The following KIF26B variants were observed in gnomAD, a reference collection of about 807,000 sequenced individuals.
KIF26B encodes the protein kinesin family member 26B.
Under a neutral mutation model 151.2 loss-of-function variants are expected in KIF26B, and 63 were observed. That is an observed-to-expected ratio of 0.42 (90% CI 0.34 to 0.51). The LOEUF (loss-of-function observed/expected upper bound fraction) is 0.51. KIF26B is among the 20% of genes least tolerant of loss of function. The pLI, the probability that KIF26B is intolerant of heterozygous loss-of-function variation, is 0.07. For synonymous variants in KIF26B, 1,357 were observed against 1,262.1 expected (o/e 1.08, Z -1.59); for missense variants, 2,813 against 2,913.6 (o/e 0.97, Z 0.79).
At chr1:245,477,960 A>G (rs1330548756) in intron 4 of KIF26B, among the ~76,000 whole-genome samples, 1 of 151,778 alleles carries the variant, frequency 6.6e-6, no homozygotes, top group African/African-American at 2.4e-5. Context: ...CACCCCAAAA[A>G]TAAACTTTAT....
chr1:245,523,383 C>G (rs1018601676), intron 4 of KIF26B, among the ~76,000 whole-genome samples: 1 of 152,202 alleles, frequency 6.6e-6, no homozygotes, highest in Non-Finnish European at 1.5e-5. Flanking sequence ...GAGCAATTCT[C>G]TACTCTAGAT....
At chr1:245,394,837 C>A (rs1464537000) in intron 3 of KIF26B, among the ~76,000 whole-genome samples, 1 of 151,810 alleles carries the variant, frequency 6.6e-6, no homozygotes, top group African/African-American at 2.4e-5. Context: ...ATTACAGGTG[C>A]TCGCCACCAC....
chr1:245,591,174 A>T (rs2043285643), intron 5 of KIF26B, among the ~76,000 whole-genome samples: 1 of 152,166 alleles, frequency 6.6e-6, no homozygotes, highest in African/African-American at 2.4e-5. Flanking sequence ...CTTAATAGTC[A>T]CGTAAGTCCT....
chr1:245,579,681 A>G (rs1360146456), intron 5 of KIF26B, among the ~76,000 whole-genome samples: 1 of 151,668 alleles, frequency 6.6e-6, no homozygotes, highest in African/African-American at 2.4e-5. Flanking sequence ...AAACAAACAA[A>G]CAAACAAACA....
At position 245,685,033 on chromosome 1, in the gene KIF26B, TC is replaced by T. The variant is rs139816291; in HGVS notation, c.2422-367del. Among the ~76,000 whole-genome samples the T allele has an allele frequency of 2.4e-3, 371 of 152,328 alleles. 2 individuals carry two copies. The highest frequency in any genetic ancestry group is 8.5e-3 in the African/African-American group (355 of 41,586). On this transcript the variant is annotated intron_variant, in intron 11 of 14. Transcript: ENST00000407071. Reference sequence around the variant, plus strand: ...GCAGCTGCTGAGGTGGGGGCCTTTTTCCCCCTTCTCTGTTTTGTACCTTTTT... The same window carrying T: ...GCAGCTGCTGAGGTGGGGGCCTTTTTCCCCTTCTCTGTTTTGTACCTTTTT...
intron 2 of KIF26B, among the ~76,000 whole-genome samples, chr1:245,174,235 T>C (rs897441660): frequency 2.0e-5 from 3 of 152,214 alleles, no homozygotes; most frequent in African/African-American, 7.2e-5. Flanking sequence ...CTTTTAAAGA[T>C]CTGCTGAGTT....
At chr1:245,193,719 G>C (rs1669147681) in intron 2 of KIF26B, among the ~76,000 whole-genome samples, 1 of 152,212 alleles carries the variant, frequency 6.6e-6, no homozygotes, top group Admixed American at 6.5e-5. Context: ...GAGAAGTCAA[G>C]TAAGTGGAGA....
At chr1:245,448,163 C>T (rs1181552993) in intron 4 of KIF26B, among the ~76,000 whole-genome samples, 1 of 152,236 alleles carries the variant, frequency 6.6e-6, no homozygotes, top group Admixed American at 6.5e-5. Context: ...GACTTCCCAG[C>T]CTCCAGCTGT....
chr1:245,442,212 A>G (rs1659121371), intron 4 of KIF26B, among the ~76,000 whole-genome samples: 1 of 152,170 alleles, frequency 6.6e-6, no homozygotes, highest in Non-Finnish European at 1.5e-5. Context: ...TGAAGTCCCC[A>G]CGCCTGGTAG....
rs756730116 is a variant in KIF26B, at chr1:245,688,584, C to T, written c.5601C>T (p.His1867=). 6.4e-6 allele frequency: 10 copies of T among 1,571,572 alleles called. No individual in the cohort carries two copies. The highest frequency in any genetic ancestry group is 1.8e-5 in the Admixed American group (1 of 54,074). The change falls in exon 12 of 15, where the codon CAC becomes CAT. Residue 1867 remains histidine, a synonymous_variant. Coordinates refer to ENST00000407071, the MANE Select transcript of KIF26B (RefSeq NM_018012.4). The stretch of plus-strand genomic sequence containing the variant: ...GGCCCCACCGCTGCAGCAGCGGCCA[C>T]GGCAGCGACAACAGCAGCGTGCTGA... The part of the protein sequence containing the change: ...PRRPHRCSSG[H]GSDNSSVLSG...
intron 4 of KIF26B, among the ~76,000 whole-genome samples, chr1:245,536,711 G>A (rs1276276088): frequency 6.6e-6 from 1 of 152,170 alleles, no homozygotes; most frequent in Non-Finnish European, 1.5e-5. Context: ...GGGACCTCAG[G>A]CAGAAGACTT....
chr1:245,224,299 A>T (rs1669833624), intron 2 of KIF26B, among the ~76,000 whole-genome samples: 1 of 152,118 alleles, frequency 6.6e-6, no homozygotes, highest in Admixed American at 6.5e-5. Flanking sequence ...GAAAAAAAAA[A>T]AAAATTCTGT....
chr1:245,370,106 C>T (rs947371212), intron 3 of KIF26B, among the ~76,000 whole-genome samples: 7 of 152,058 alleles, frequency 4.6e-5, no homozygotes, highest in Non-Finnish European at 8.8e-5. Context: ...CTTTAAAAGT[C>T]GATGTCACCC....
Position 245,705,265 on chromosome 1 carries a change from CTCTCTTCTCTT to C in KIF26B, c.*2661_*2671del, listed in dbSNP as rs1330729583. The C allele has an allele frequency of 6.6e-6, 1 of 152,198 alleles. No individual in the cohort carries two copies. Among genetic ancestry groups the C allele is most frequent in the African/African-American group, 2.4e-5 (1 of 41,436 alleles). 9.4% of individuals were successfully genotyped at this position (152,198 alleles called of 1,614,324 possible). Reference sequence around the variant, plus strand: ...TTTATGTTGATGTTGTCCATTCTCTCTCTCTTCTCTTTGCTTTTTTTTGACCTAAATAAGCT... The same window carrying C: ...TTTATGTTGATGTTGTCCATTCTCTCTGCTTTTTTTTGACCTAAATAAGCT... On this transcript the variant is annotated 3_prime_UTR_variant, in exon 15 of 15. Transcript: ENST00000407071.
At chr1:245,277,209 T>G (rs1411118587) in intron 2 of KIF26B, among the ~76,000 whole-genome samples, 1 of 152,150 alleles carries the variant, frequency 6.6e-6, no homozygotes, top group East Asian at 1.9e-4. Context: ...TGAATTTCTG[T>G]TACTCTAAGC....
intron 9 of KIF26B, among the ~76,000 whole-genome samples, chr1:245,627,476 C>T (rs558219735): frequency 8.6e-5 from 13 of 152,038 alleles, no homozygotes; most frequent in Admixed American, 1.3e-4. Flanking sequence ...TCTGGGACAC[C>T]GCTAAAGCAG....
chr1:245,605,836 A>G (rs1328862892), intron 6 of KIF26B, among the ~76,000 whole-genome samples: 1 of 152,162 alleles, frequency 6.6e-6, no homozygotes, highest in African/African-American at 2.4e-5. Context: ...CCAACTCTGC[A>G]CAGCAGGTCT....
At chr1:245,364,036 C>T (rs1672882223) in intron 2 of KIF26B, among the ~76,000 whole-genome samples, 1 of 152,144 alleles carries the variant, frequency 6.6e-6, no homozygotes, top group Non-Finnish European at 1.5e-5. Context: ...CTAGAGGTGG[C>T]AGCAGAGGCA....
chr1:245,433,346 A>G (rs1456033291), intron 4 of KIF26B, among the ~76,000 whole-genome samples: 1 of 151,794 alleles, frequency 6.6e-6, no homozygotes, highest in Non-Finnish European at 1.5e-5. Context: ...GGGCACCTGT[A>G]GCCCCAGCTA....
Sources: gnomAD v4.1 joint callset for allele counts (sites outside exome capture counted in the v4.1 genomes callset) on GRCh38, gnomAD v4.1.1 for gene constraint, MANE v1.5 for transcripts, NCBI Gene and HGNC (gene_info 2026-07-23, HGNC 2026-07-21) for gene names.